The following AAK1 variants were observed in gnomAD, a reference collection of about 807,000 sequenced individuals.
AAK1 encodes AP2 associated kinase 1.
AAK1 carries 37 observed loss-of-function variants against 116.0 expected under a neutral mutation model. The ratio of observed to expected loss-of-function variants is 0.32; its 90% confidence interval spans 0.25 to 0.42. The LOEUF is 0.42. Ranked by LOEUF, AAK1 falls within the 10% of genes least tolerant of loss-of-function variation. AAK1 has a pLI of 1.00. For synonymous variants in AAK1, 458 were observed against 439.9 expected (o/e 1.04, Z -0.51); for missense variants, 919 against 1,170.6 (o/e 0.79, Z 3.14).
chr2:69,470,790 T>C lies in AAK1; in HGVS notation c.*5079A>G, dbSNP rs1200888280. On this transcript the variant is annotated 3_prime_UTR_variant, in exon 22 of 22. Coordinates refer to ENST00000409085, the MANE Select transcript of AAK1 (RefSeq NM_014911.5). Reference sequence around the variant, plus strand: ...TTAATATGTCCTCAGTGTGTAGCTATACTTTTCTTGTGCCCAGGTACTTAT... The same window carrying C: ...TTAATATGTCCTCAGTGTGTAGCTACACTTTTCTTGTGCCCAGGTACTTAT... The C allele has an allele frequency of 1.0e-6, 1 of 985,736 alleles. No individual in the cohort carries two copies. Among genetic ancestry groups the C allele is most frequent in the East Asian group, 1.1e-4 (1 of 8,826 alleles). 61.1% of individuals were successfully genotyped at this position (985,736 alleles called of 1,614,324 possible).
intron 2 of AAK1, among the ~76,000 whole-genome samples, chr2:69,622,374 C>A (rs555013843): frequency 2.0e-5 from 3 of 152,162 alleles, no homozygotes; most frequent in African/African-American, 7.2e-5. Context: ...AGCGCCACCC[C>A]CTGCTCCACA....
chr2:69,608,285 A>G (rs1176709675), intron 2 of AAK1, among the ~76,000 whole-genome samples: 1 of 152,232 alleles, frequency 6.6e-6, no homozygotes, highest in Admixed American at 6.5e-5. Context: ...CTCCCTGCCC[A>G]GGCCAACAGC....
chr2:69,554,196 T>C (rs1015433485), intron 3 of AAK1, among the ~76,000 whole-genome samples: 1 of 152,140 alleles, frequency 6.6e-6, no homozygotes, highest in African/African-American at 2.4e-5. Flanking sequence ...AATTCCAAGA[T>C]TCGACTGTAA....
intron 2 of AAK1, among the ~76,000 whole-genome samples, chr2:69,639,811 CT>C (rs1675622055): frequency 6.6e-6 from 1 of 152,120 alleles, no homozygotes; most frequent in Non-Finnish European, 1.5e-5. Context: ...CTGGCTAGAA[CT>C]GTAGATAAGT....
chr2:69,589,648 G>T (rs1672942208), intron 2 of AAK1, among the ~76,000 whole-genome samples: 1 of 150,024 alleles, frequency 6.7e-6, no homozygotes, highest in Non-Finnish European at 1.5e-5. Context: ...GGCGGAGGTT[G>T]CAGTGAGCCG....
In AAK1 at chr2:69,509,344, C is replaced by A; in HGVS notation, c.1893G>T (p.Gly631=). 6.2e-7 allele frequency: 1 copy of A among 1,613,984 alleles called. No individual in the cohort carries two copies. Among genetic ancestry groups the A allele is most frequent in the Non-Finnish European group, 8.5e-7 (1 of 1,179,882 alleles). Residue 631 remains glycine, a synonymous_variant, in exon 14 of 22, where the codon GGG becomes GGT. Coordinates refer to ENST00000409085, the MANE Select transcript of AAK1 (RefSeq NM_014911.5). ...PPSSPKTQRA[G]HRRILSDVTH... ...TTACGTCACTGAGAATACGCCTGTG[C>A]CCAGCACGTTGGGTTTTGGGGGATG...
At chr2:69,586,540 A>C (rs1672774466) in intron 2 of AAK1, among the ~76,000 whole-genome samples, 1 of 152,222 alleles carries the variant, frequency 6.6e-6, no homozygotes, top group African/African-American at 2.4e-5. Context: ...ATCTTAGGCT[A>C]AAAACTCTTC....
chr2:69,496,761 G>GTGTATCTATCCTATGTATACTTCCTA (rs1418622666), intron 16 of AAK1, among the ~76,000 whole-genome samples: 1 of 152,064 alleles, frequency 6.6e-6, no homozygotes. Context: ...AATCTAGCAT[G>GTGTATCTATCCTATGTATACTTCCTA]TGTATAGGTA....
At position 69,535,376 on chromosome 2, in the gene AAK1, A is replaced by G. The variant is rs76565083; in HGVS notation, c.535-3214T>C. Among the ~76,000 whole-genome samples, 792 of 150,758 alleles carry G rather than the reference A, an allele frequency of 5.3e-3. 6 individuals carry two copies. The highest frequency in any genetic ancestry group is 0.018 in the African/African-American group (756 of 41,496). On this transcript the variant is annotated intron_variant, in intron 5 of 21. Coordinates refer to ENST00000409085, the MANE Select transcript of AAK1 (RefSeq NM_014911.5). ...ACAAAAATTAAAAACTAAAAAACAA[A>G]AGAAACACGTTTCAACTCCTACTAT...
chr2:69,544,623 C>T, intron 3 of AAK1, 79 bp from the exon 4 acceptor site: 3 of 1,012,516 alleles, frequency 3.0e-6, no homozygotes, highest in Non-Finnish European at 4.5e-6. Context: ...TCCATTAGCA[C>T]AGATAATTTA....
intron 16 of AAK1, among the ~76,000 whole-genome samples, chr2:69,503,914 G>A (rs1011787524): frequency 3.3e-5 from 5 of 151,196 alleles, no homozygotes; most frequent in Admixed American, 6.6e-5. Flanking sequence ...CAGGAGAATC[G>A]TTTGAACCTG....
intron 8 of AAK1, among the ~76,000 whole-genome samples, chr2:69,527,665 G>A (rs1364288296): frequency 5.9e-5 from 9 of 152,060 alleles, no homozygotes; most frequent in African/African-American, 1.9e-4. Context: ...GGCTTCCTTG[G>A]TTCATCTTAT....
At position 69,643,564 on chromosome 2, in the gene AAK1, G is replaced by C; in HGVS notation, c.-235+11C>G. 8.1e-7 allele frequency: 1 copy of C among 1,228,142 alleles called. No homozygotes were observed. Among genetic ancestry groups the C allele is most frequent in the Admixed American group, 4.2e-5 (1 of 23,604 alleles). The allele number at this position is 1,228,142 out of a possible 1,614,324, so 76.1% of individuals were successfully genotyped here. A position where few individuals can be genotyped will look rare whatever the true frequency, so the allele number is the denominator to read the frequency against. On this transcript the variant is annotated intron_variant, in intron 1 of 21. Transcript: ENST00000409085. ...CGCCGCCCCTCGAGGCGGCATCCTG[G>C]CAGCACCCACTTGAGACGGCTCGGC...
intron 16 of AAK1, among the ~76,000 whole-genome samples, chr2:69,498,457 A>G (rs1290318743): frequency 6.6e-6 from 1 of 151,732 alleles, no homozygotes; most frequent in African/African-American, 2.4e-5. Flanking sequence ...TTTCCACCCC[A>G]CCCACCTCTA....
At chr2:69,633,952 T>C (rs1377873991) in intron 2 of AAK1, among the ~76,000 whole-genome samples, 1 of 152,034 alleles carries the variant, frequency 6.6e-6, no homozygotes, top group African/African-American at 2.4e-5. Context: ...GGTGGATCAC[T>C]TGAGGTCAGG....
intron 2 of AAK1, among the ~76,000 whole-genome samples, chr2:69,606,705 A>G (rs981624291): frequency 3.9e-5 from 6 of 152,180 alleles, no homozygotes; most frequent in Non-Finnish European, 7.3e-5. Context: ...ACTGACACAA[A>G]TATCTGCCCT....
At position 69,469,567 on chromosome 2, in the gene AAK1, A is replaced by T; in HGVS notation, c.*6302T>A. 2.0e-6 allele frequency: 2 copies of T among 985,430 alleles called. No homozygotes were observed. Among genetic ancestry groups the T allele is most frequent in the Non-Finnish European group, 2.4e-6 (2 of 829,912 alleles). 61.0% of individuals were successfully genotyped at this position (985,430 alleles called of 1,614,324 possible). On this transcript the variant is annotated 3_prime_UTR_variant, in exon 22 of 22. Transcript: ENST00000409085. The stretch of plus-strand genomic sequence containing the variant: ...CATGCCTTGACCCAGTTCCTTTGGT[A>T]ACCAATGGCACGTCATAGCAGATAC...
chr2:69,525,254 T>C, intron 9 of AAK1, 142 bp from the exon 10 acceptor site: 1 of 736,486 alleles, frequency 1.4e-6, no homozygotes, highest in South Asian at 1.8e-5. Context: ...CCCTGAGCTC[T>C]GTCTGGTAGA....
chr2:69,559,740 T>C (rs1185282804), intron 2 of AAK1, among the ~76,000 whole-genome samples: 2 of 152,170 alleles, frequency 1.3e-5, no homozygotes, highest in Non-Finnish European at 2.9e-5. Context: ...TGTGATACCC[T>C]TTAGGTAATA....
Sources: gnomAD v4.1 joint callset for allele counts (sites outside exome capture counted in the v4.1 genomes callset) on GRCh38, gnomAD v4.1.1 for gene constraint, MANE v1.5 for transcripts, NCBI Gene and HGNC (gene_info 2026-07-23, HGNC 2026-07-21) for gene names.